The following PDCD2L variants were observed in gnomAD, a reference collection of about 807,000 sequenced individuals.
PDCD2L encodes the protein uS5 assembly chaperone PDCD2L.
PDCD2L carries 44 observed loss-of-function variants against 40.4 expected under a neutral mutation model. That is an observed-to-expected ratio of 1.09 (90% CI 0.86 to 1.40). PDCD2L has a LOEUF of 1.40. PDCD2L is among the 40% of genes most tolerant of loss of function. The pLI, the probability that PDCD2L is intolerant of heterozygous loss-of-function variation, is 0.00. For missense variants in PDCD2L, 470 were observed against 453.7 expected (o/e 1.04, Z -0.33); for synonymous variants, 194 against 174.6 (o/e 1.11, Z -0.88).
chr19:34,412,994 C>A (rs899490565), intron 4 of PDCD2L, among the ~76,000 whole-genome samples: 3 of 152,120 alleles, frequency 2.0e-5, no homozygotes, highest in African/African-American at 7.2e-5. Flanking sequence ...CCTGCCTCGG[C>A]CTCCCAAAGT....
At position 34,404,791 on chromosome 19, in the gene PDCD2L, G is replaced by C; in HGVS notation, c.251G>C (p.Gly84Ala). The change falls in exon 2 of 7, where the codon GGC becomes GCC. Residue 84 changes from glycine (G) to alanine (A), a missense_variant. By Grantham distance (60) the Gly-to-Ala change is moderately conservative. Transcript: ENST00000246535. ...CACGTGTTCGCGTGCGCCTGCCCCG[G>C]CTGTAGCACCGGCGGTGCGCGCAGG... ...LLHVFACACPGCSTGGARSWK... is the reference protein window; with the variant it reads ...LLHVFACACPACSTGGARSWK... 1 of 1,605,420 alleles carries C rather than the reference G, an allele frequency of 6.2e-7. No individual in the cohort carries two copies. Among genetic ancestry groups the C allele is most frequent in the Non-Finnish European group, 8.5e-7 (1 of 1,177,448 alleles).
intron 6 of PDCD2L, among the ~76,000 whole-genome samples, chr19:34,423,491 CTTTTTTTTTTT>C (rs547306985): frequency 1.2e-3 from 138 of 113,086 alleles, no homozygotes; most frequent in African/African-American, 4.3e-3. Flanking sequence ...GACCCAGTAT[CTTTTTTTTTTT>C]TTTTTTTTTT....
intron 4 of PDCD2L, among the ~76,000 whole-genome samples, chr19:34,411,182 T>A (rs938893232): frequency 1.2e-4 from 18 of 147,104 alleles, no homozygotes; most frequent in East Asian, 7.8e-4. Flanking sequence ...TTTTTTTTTT[T>A]AGAGATGGGA....
Position 34,421,643 on chromosome 19 carries a change from A to G in PDCD2L, c.922A>G (p.Ser308Gly). 6.2e-7 allele frequency: 1 copy of G among 1,614,126 alleles called. No homozygotes were observed. The highest frequency in any genetic ancestry group is 8.5e-7 in the Non-Finnish European group (1 of 1,179,994). The change falls in exon 6 of 7, where the codon AGC becomes GGC. Residue 308 changes from serine to glycine, a missense_variant. Coordinates refer to ENST00000246535, the MANE Select transcript of PDCD2L (RefSeq NM_032346.2). ...GTTTCAGCTTATGCCAGCACTGGTC[A>G]GCATGCTCAAGAGTGCTAATTTAGG... ...FEFQLMPALV[S>G]MLKSANLGLS... is the part of the protein sequence containing the mutation.
Sources: allele counts gnomAD v4.1 joint callset (sites outside exome capture counted in the v4.1 genomes callset), GRCh38; gene constraint gnomAD v4.1.1; transcripts MANE v1.5; gene names NCBI Gene and HGNC (gene_info 2026-07-23, HGNC 2026-07-21).